Variants in FGFRL1 observed in about 807,000 individuals in gnomAD.
The protein encoded by FGFRL1 is fibroblast growth factor receptor-like 1.
In FGFRL1, 24 loss-of-function variants were observed where a neutral mutation model predicts 36.8. The ratio of observed to expected loss-of-function variants is 0.65; its 90% CI spans 0.47 to 0.92. The LOEUF is 0.92. FGFRL1 is among the 40% of genes least tolerant of loss of function. FGFRL1 has a pLI of 0.00. For missense variants in FGFRL1, 785 were observed against 753.4 expected (o/e 1.04, Z -0.49); for synonymous variants, 422 against 344.1 (o/e 1.23, Z -2.50).
chr4:1,012,561 C>G lies in FGFRL1; in HGVS notation c.76C>G (p.Arg26Gly), dbSNP rs768315040. The G allele has an allele frequency of 2.3e-4, 325 of 1,424,098 alleles. 1 individual carries two copies. Among genetic ancestry groups the G allele is most frequent in the Non-Finnish European group, 2.7e-4 (290 of 1,062,606 alleles). 88.2% of individuals were successfully genotyped at this position (1,424,098 alleles called of 1,614,324 possible). Residue 26 changes from arginine to glycine, a missense_variant, in exon 2 of 7, where the codon CGA becomes GGA. Arg to Gly is a moderately radical substitution (Grantham distance 125, BLOSUM62 -2). Transcript: ENST00000510644. ...LGAFPPAAAA[R>G]GPPKMADKVV... ...GGCCTTCCCGCCGGCCGCCGCCGCCCGAGGTGAGTTCTGGCGCCCAGCCCG... is the reference window on the plus strand; with the variant it reads ...GGCCTTCCCGCCGGCCGCCGCCGCCGGAGGTGAGTTCTGGCGCCCAGCCCG...
Position 1,022,465 on chromosome 4 carries a change from C to A in FGFRL1, c.342C>A (p.Leu114=), listed in dbSNP as rs781572073. Residue 114 remains leucine (L), a synonymous_variant, in exon 3 of 7, where the codon CTC becomes CTA. Transcript: ENST00000510644. ...GFGSLSVNYT[L]VVLDDISPGK... ...GCAGCCTGAGCGTCAACTACACCCT[C>A]GTCGTGCTGGGTTAGTCGCTGCTGC... 1.9e-6 allele frequency: 3 copies of A among 1,601,750 alleles called. No individual in the cohort carries two copies. The highest frequency in any genetic ancestry group is 3.3e-4 in the Middle Eastern group (2 of 5,984).
chr4:1,024,211 CTTGGGGGTGGTGGGCT>C, intron 5 of FGFRL1, 84 bp from the exon 6 acceptor site: 1 of 264,656 alleles, frequency 3.8e-6, no homozygotes, highest in East Asian at 7.6e-5. Flanking sequence ...ACTGGCAGGG[CTTGGGGGTGGTGGGCT>C]GGGGGTGCTG....
intron 5 of FGFRL1, 31 bp downstream of exon 5, chr4:1,024,132 G>C (rs1406819646): frequency 1.4e-6 from 2 of 1,431,842 alleles, no homozygotes; most frequent in Non-Finnish European, 1.8e-6. Context: ...TGGCGGGCGG[G>C]GGGTGCTGGT....
chr4:1,023,961 G>A lies in FGFRL1; in HGVS notation c.578G>A (p.Arg193His), dbSNP rs4647937. Reference protein sequence around the residue: ...TWMKDDQALTRPEAAEPRKKK... With the variant: ...TWMKDDQALTHPEAAEPRKKK... ...ATGAAGGACGACCAGGCCTTGACGC[G>A]CCCAGAGGCCGCTGAGCCCAGGAAG... is the stretch of plus-strand genomic sequence containing the variant. Residue 193 changes from arginine to histidine, a missense_variant, in exon 5 of 7, where the codon CGC becomes CAC. Arg to His is a conservative substitution (Grantham distance 29). Coordinates refer to ENST00000510644, the MANE Select transcript of FGFRL1 (RefSeq NM_001004356.3). This position sits in a 1 kb window ranked among gnomAD's most constrained non-coding sequence, Gnocchi z 6.0. 1.6e-4 allele frequency: 251 copies of A among 1,595,782 alleles called. 2 individuals carry two copies. The African/African-American group carries it at 2.0e-3, about 13-fold the overall frequency.
At chr4:1,019,145 C>T (rs1716044475) in intron 2 of FGFRL1, among the ~76,000 whole-genome samples, 1 of 152,248 alleles carries the variant, frequency 6.6e-6, no homozygotes, top group Non-Finnish European at 1.5e-5. Flanking sequence ...CTTACCTCAC[C>T]AAGCCTTGCT....
chr4:1,019,997 C>T (rs1716087314), intron 2 of FGFRL1, among the ~76,000 whole-genome samples: 1 of 152,234 alleles, frequency 6.6e-6, no homozygotes, highest in South Asian at 2.1e-4. Context: ...AACCTAGAGG[C>T]CCTGGGCAAC....
chr4:1,011,029 C>G (rs926639997), upstream of FGFRL1: 1 of 152,120 alleles, frequency 6.6e-6, no homozygotes, highest in Non-Finnish European at 1.5e-5. Context: ...CCGCGGCCGT[C>G]CCCCCCTACC....
Position 1,025,044 on chromosome 4 carries a change from G to A in FGFRL1, c.1212G>A (p.Lys404=). 1.2e-6 allele frequency: 2 copies of A among 1,610,816 alleles called. No individual in the cohort carries two copies. Among genetic ancestry groups the A allele is most frequent in the South Asian group, 1.1e-5 (1 of 91,028 alleles). Residue 404 remains lysine, a synonymous_variant, in exon 7 of 7, where the codon AAG becomes AAA. Coordinates refer to ENST00000510644, the MANE Select transcript of FGFRL1 (RefSeq NM_001004356.3). ...LLLWLCQAQK[K]PCTPAPAPPL... is the part of the protein sequence containing the mutation. ...TGTGGCTTTGCCAGGCCCAGAAGAA[G>A]CCGTGCACCCCCGCGCCTGCCCCTC...
chr4:1,026,623 AGAG>A lies in FGFRL1; in HGVS notation c.*1277_*1279del, dbSNP rs1446812554. On this transcript the variant is annotated 3_prime_UTR_variant, in exon 7 of 7. Coordinates refer to ENST00000510644, the MANE Select transcript of FGFRL1 (RefSeq NM_001004356.3). ...CCCCACTGCATTCTCCCCCTGACAC[AGAG>A]AAGGGGCCTTGGTATTTATATTTAA... is the stretch of plus-strand genomic sequence containing the variant. 1 of 274,848 alleles carries A rather than the reference AGAG, an allele frequency of 3.6e-6. No homozygotes were observed. The highest frequency in any genetic ancestry group is 7.1e-6 in the Non-Finnish European group (1 of 141,102). 17.0% of individuals were successfully genotyped at this position (274,848 alleles called of 1,614,324 possible). A position where few individuals can be genotyped will look rare whatever the true frequency, so the allele number is the denominator to read the frequency against.
Position 1,023,537 on chromosome 4 carries a change from C to G in FGFRL1, c.353-104C>G, listed in dbSNP as rs946942936. 3.8e-6 allele frequency: 4 copies of G among 1,054,282 alleles called. No homozygotes were observed. The Admixed American group carries it at 8.1e-5, about 21-fold the overall frequency. The allele number at this position is 1,054,282 out of a possible 1,614,324, so 65.3% of individuals were successfully genotyped here. A position where few individuals can be genotyped will look rare whatever the true frequency, so the allele number is the denominator to read the frequency against. On this transcript the variant is annotated intron_variant, in intron 3 of 6. Transcript: ENST00000510644. This position sits in a 1 kb window ranked among gnomAD's most constrained non-coding sequence, Gnocchi z 6.0. ...CAGCCCCCTGCCTGGGTGTCCAGGG[C>G]TGTCCCGGCTGGGGCTGGGGGAGCT... is the stretch of plus-strand genomic sequence containing the variant.
chr4:1,025,288 TCTCACACACA>T lies in FGFRL1; in HGVS notation c.1464_1473del (p.His489TrpfsTer88). The T allele has an allele frequency of 1.3e-6, 2 of 1,567,740 alleles. No individual in the cohort carries two copies. The highest frequency in any genetic ancestry group is 1.7e-6 in the Non-Finnish European group (2 of 1,156,278). On this transcript the variant is annotated frameshift_variant, in exon 7 of 7. Transcript: ENST00000510644. LOFTEE classifies it high-confidence loss of function. Reference sequence around the variant, plus strand: ...CATCCACACACACACACACACACACTCTCACACACACTCACACGTGGAGGGCAAGGTCCAC... The same window carrying T: ...CATCCACACACACACACACACACACTCTCACACGTGGAGGGCAAGGTCCAC...
chr4:1,025,728 G>C lies in FGFRL1; in HGVS notation c.*381G>C. 3 of 269,346 alleles carry C rather than the reference G, an allele frequency of 1.1e-5. No individual in the cohort carries two copies. Among genetic ancestry groups the C allele is most frequent in the South Asian group, 5.4e-5 (1 of 18,664 alleles). The allele number at this position is 269,346 out of a possible 1,614,324, so 16.7% of individuals were successfully genotyped here. Reference sequence around the variant, plus strand: ...CACCCATGCGCAGATGTGCTGCCTGGACACACACACACACACGGATATGCT... The same window carrying C: ...CACCCATGCGCAGATGTGCTGCCTGCACACACACACACACACGGATATGCT... On this transcript the variant is annotated 3_prime_UTR_variant, in exon 7 of 7. Transcript: ENST00000510644.
upstream of FGFRL1, chr4:1,011,326 G>C (rs1411665521): frequency 6.7e-6 from 1 of 150,304 alleles, no homozygotes; most frequent in African/African-American, 2.4e-5. Flanking sequence ...GCTCCTGGCC[G>C]GTCCTAGGAG....
chr4:1,024,132 GGGGT>G, intron 5 of FGFRL1, 31 bp downstream of exon 5: 2 of 1,431,842 alleles, frequency 1.4e-6, no homozygotes, highest in Non-Finnish European at 1.8e-6. Flanking sequence ...TGGCGGGCGG[GGGGT>G]GCTGGTGGGC....
At chr4:1,016,099 C>G (rs1443047025) in intron 2 of FGFRL1, among the ~76,000 whole-genome samples, 5 of 152,212 alleles carry the variant, frequency 3.3e-5, no homozygotes, top group Non-Finnish European at 5.9e-5. Flanking sequence ...GGCCCCTGAC[C>G]TGGTGGTGCC....
chr4:1,024,227 T>C, intron 5 of FGFRL1, 84 bp from the exon 6 acceptor site: 1 of 201,526 alleles, frequency 5.0e-6, no homozygotes, highest in Non-Finnish European at 9.1e-6. Context: ...GGTGGTGGGC[T>C]GGGGGTGCTG....
chr4:1,013,137 G>A (rs1258634606), intron 2 of FGFRL1, among the ~76,000 whole-genome samples: 5 of 152,234 alleles, frequency 3.3e-5, no homozygotes, highest in Non-Finnish European at 5.9e-5. Context: ...GAGCCGTGAC[G>A]CACCCCAGGA....
chr4:1,016,531 G>A (rs923421786), intron 2 of FGFRL1, among the ~76,000 whole-genome samples: 3 of 152,134 alleles, frequency 2.0e-5, no homozygotes, highest in South Asian at 4.1e-4. Context: ...CAGTGCCCTG[G>A]GGCTGGGGTT....
chr4:1,011,157 C>G (rs1199820330), upstream of FGFRL1: 10 of 152,224 alleles, frequency 6.6e-5, no homozygotes, highest in Admixed American at 6.5e-4. Flanking sequence ...CCGCCCCCTT[C>G]TGAGCAACCA....
Sources: allele counts gnomAD v4.1 joint callset (sites outside exome capture counted in the v4.1 genomes callset), GRCh38; gene constraint gnomAD v4.1.1; non-coding constraint Gnocchi (gnomAD v3.1); transcripts MANE v1.5; gene names NCBI Gene and HGNC (gene_info 2026-07-23, HGNC 2026-07-21).